Variants in TENM2 observed in about 807,000 individuals in gnomAD.
The protein encoded by TENM2 is teneurin-2.
Under a neutral mutation model 245.2 loss-of-function variants are expected in TENM2, and 52 were observed. That is an observed-to-expected ratio of 0.21 (90% CI 0.17 to 0.27). TENM2 has a LOEUF of 0.27. TENM2 is among the 10% of genes least tolerant of loss of function. TENM2 has a pLI of 1.00. For synonymous variants in TENM2, 1,363 were observed against 1,438.9 expected (o/e 0.95, Z 1.19); for missense variants, 3,046 against 3,666.8 (o/e 0.83, Z 4.37).
intron 2 of TENM2, among the ~76,000 whole-genome samples, chr5:167,741,114 T>C (rs1329753155): frequency 6.6e-6 from 1 of 152,210 alleles, no homozygotes; most frequent in East Asian, 1.9e-4. Flanking sequence ...AGTTACCTCC[T>C]TGAAAAAGCC....
At chr5:167,056,959 A>T in the TENM2 span, among the ~76,000 whole-genome samples, 1 of 151,710 alleles carries the variant, frequency 6.6e-6, no homozygotes. Flanking sequence ...TAATATTCCC[A>T]TCACAAATAT....
intron 2 of TENM2, among the ~76,000 whole-genome samples, chr5:167,765,109 T>G (rs1762922750): frequency 6.6e-6 from 1 of 152,108 alleles, no homozygotes; most frequent in Admixed American, 6.5e-5. Flanking sequence ...TTATTCAAAT[T>G]GAGACCTACA....
At chr5:167,726,389 A>C (rs1205528612) in intron 2 of TENM2, among the ~76,000 whole-genome samples, 1 of 152,138 alleles carries the variant, frequency 6.6e-6, no homozygotes. Context: ...ATGGAGCTAA[A>C]GTTTAGTTTT....
At chr5:167,792,137 G>A (rs1197522231) in intron 2 of TENM2, among the ~76,000 whole-genome samples, 8 of 152,144 alleles carry the variant, frequency 5.3e-5, no homozygotes, top group Admixed American at 2.0e-4. Context: ...GGCCTTGCTC[G>A]TTTATGGGAT....
chr5:167,872,324 AAGAAAGAAAG>A (rs1251764126), intron 2 of TENM2, among the ~76,000 whole-genome samples: 1 of 60,488 alleles, frequency 1.7e-5, no homozygotes, highest in East Asian at 2.1e-4. Flanking sequence ...GAAAGAAAGA[AAGAAAGAAAG>A]AAAGAAAGAA....
intron 2 of TENM2, among the ~76,000 whole-genome samples, chr5:167,578,325 G>A (rs1018693965): frequency 1.3e-5 from 2 of 152,206 alleles, no homozygotes; most frequent in Non-Finnish European, 2.9e-5. Flanking sequence ...CTGGTCCAGA[G>A]GCTGGAAGCC....
intron 3 of TENM2, among the ~76,000 whole-genome samples, chr5:167,927,955 G>A (rs926173585): frequency 6.6e-6 from 1 of 152,316 alleles, no homozygotes. Context: ...ACTGTAGGAA[G>A]ACTAAATGCT....
chr5:167,893,384 A>T (rs888858584), intron 3 of TENM2, among the ~76,000 whole-genome samples: 2 of 152,128 alleles, frequency 1.3e-5, no homozygotes, highest in African/African-American at 4.8e-5. Flanking sequence ...TTAACTTCCT[A>T]TATTGTAGTA....
intron 2 of TENM2, among the ~76,000 whole-genome samples, chr5:167,649,426 C>A (rs879786924): frequency 1.3e-5 from 2 of 152,154 alleles, no homozygotes; most frequent in Non-Finnish European, 2.9e-5. Flanking sequence ...TAATGGAATT[C>A]TCCTAATGAA....
chr5:168,034,335 C>A, intron 5 of TENM2, among the ~76,000 whole-genome samples: 1 of 138,886 alleles, frequency 7.2e-6, no homozygotes, highest in African/African-American at 2.7e-5. Flanking sequence ...AGTGAGACTC[C>A]GTCTAAAAAA....
the TENM2 span, among the ~76,000 whole-genome samples, chr5:167,117,176 A>C: frequency 8.5e-5 from 13 of 152,314 alleles, no homozygotes; most frequent in Non-Finnish European, 1.5e-4. Context: ...GAATCAGTTA[A>C]ATTTTTGCTG....
chr5:167,111,176 A>T, the TENM2 span, among the ~76,000 whole-genome samples: 1 of 152,108 alleles, frequency 6.6e-6, no homozygotes, highest in African/African-American at 2.4e-5. Context: ...ATTTTGTTTT[A>T]TTTAGGTATA....
At chr5:167,994,475 T>C in intron 5 of TENM2, among the ~76,000 whole-genome samples, 1 of 152,224 alleles carries the variant, frequency 6.6e-6, no homozygotes, top group East Asian at 1.9e-4. Flanking sequence ...GCTTGCCTGA[T>C]GGCAAAGGGG....
intron 3 of TENM2, among the ~76,000 whole-genome samples, chr5:167,896,152 G>A (rs1267522131): frequency 6.6e-6 from 1 of 152,210 alleles, no homozygotes; most frequent in African/African-American, 2.4e-5. Context: ...GCTAGAGCTG[G>A]GACTGGGGAA....
At chr5:167,648,033 C>A (rs969680209) in intron 2 of TENM2, among the ~76,000 whole-genome samples, 4 of 152,182 alleles carry the variant, frequency 2.6e-5, no homozygotes, top group African/African-American at 7.2e-5. Context: ...TACGATGTAT[C>A]CCTATGTGCA....
chr5:167,578,769 TACCTTG>T (rs1393537225), intron 2 of TENM2, among the ~76,000 whole-genome samples: 1 of 152,246 alleles, frequency 6.6e-6, no homozygotes, highest in East Asian at 1.9e-4. Context: ...TTGACTAACT[TACCTTG>T]AACTCTTTGA....
intron 2 of TENM2, among the ~76,000 whole-genome samples, chr5:167,646,149 T>G (rs1473863926): frequency 8.6e-6 from 1 of 116,104 alleles, no homozygotes; most frequent in Admixed American, 8.3e-5. Context: ...TATATATATG[T>G]TGTTTTCATA....
chr5:167,288,242 A>G (rs1754405997), intron 1 of TENM2, among the ~76,000 whole-genome samples: 1 of 152,166 alleles, frequency 6.6e-6, no homozygotes, highest in Non-Finnish European at 1.5e-5. Flanking sequence ...TTAAACAAAC[A>G]ACAATAATAA....
chr5:168,191,465 G>A (rs1323642665), intron 14 of TENM2, among the ~76,000 whole-genome samples: 1 of 152,076 alleles, frequency 6.6e-6, no homozygotes, highest in Non-Finnish European at 1.5e-5. Context: ...ATGCAAGAAG[G>A]AGGAGCGTGG....
Sources: allele counts gnomAD v4.1 joint callset (sites outside exome capture counted in the v4.1 genomes callset), GRCh38; gene constraint gnomAD v4.1.1; transcripts MANE v1.5; gene names NCBI Gene and HGNC (gene_info 2026-07-23, HGNC 2026-07-21).